Variants in MBD5 observed in about 807,000 individuals in gnomAD.
MBD5 encodes the protein methyl-CpG-binding domain protein 5.
A neutral mutation model predicts 117.3 loss-of-function variants in MBD5; 13 were observed. The ratio of observed to expected loss-of-function variants is 0.11; its 90% CI spans 0.07 to 0.18. MBD5 has a LOEUF of 0.18. Among genes scored for constraint, MBD5 ranks in the 10% least tolerant of loss-of-function variants. The pLI is 1.00. For missense variants in MBD5, 1,879 were observed against 2,093.8 expected (o/e 0.90, Z 2.00); for synonymous variants, 727 against 766.4 (o/e 0.95, Z 0.85).
At chr2:148,363,966 C>A (rs1336900640) in intron 4 of MBD5, among the ~76,000 whole-genome samples, 1 of 152,086 alleles carries the variant, frequency 6.6e-6, no homozygotes, top group Non-Finnish European at 1.5e-5. Context: ...GCAAGACGGG[C>A]CAACATTCAA....
chr2:148,252,003 T>C (rs1700476718), intron 3 of MBD5, among the ~76,000 whole-genome samples: 1 of 152,174 alleles, frequency 6.6e-6, no homozygotes, highest in African/African-American at 2.4e-5. Context: ...CGCACCTCAC[T>C]CCTGCCAGAG....
intron 1 of MBD5, among the ~76,000 whole-genome samples, chr2:148,157,401 A>G (rs1362650359): frequency 6.6e-6 from 1 of 151,624 alleles, no homozygotes; most frequent in Non-Finnish European, 1.5e-5. Flanking sequence ...TTTTAAAAGC[A>G]TGGTATTTTA....
intron 1 of MBD5, among the ~76,000 whole-genome samples, chr2:148,127,224 C>T (rs745928734): frequency 3.9e-5 from 6 of 152,110 alleles, no homozygotes; most frequent in Non-Finnish European, 8.8e-5. Context: ...ACCTCGGCCT[C>T]CCAATTTTCT....
At chr2:148,420,136 A>G (rs1305946113) in intron 4 of MBD5, among the ~76,000 whole-genome samples, 2 of 152,102 alleles carry the variant, frequency 1.3e-5, no homozygotes, top group African/African-American at 4.8e-5. Flanking sequence ...TGAGCATTTA[A>G]TGACTTTTTT....
At chr2:148,294,196 G>GTTTTTTTTTTTTTTTTTTTTTTTTTTT (rs60942822) in intron 3 of MBD5, among the ~76,000 whole-genome samples, 1 of 127,148 alleles carries the variant, frequency 7.9e-6, no homozygotes, top group African/African-American at 3.0e-5. Context: ...CCAGAATGAA[G>GTTTTTTTTTTTTTTTTTTTTTTTTTTT]TTTTTTTTTT....
chr2:148,309,452 G>C (rs1701975220), intron 3 of MBD5, among the ~76,000 whole-genome samples: 2 of 152,130 alleles, frequency 1.3e-5, no homozygotes, highest in African/African-American at 4.8e-5. Context: ...TAGGCTGTCT[G>C]TCTGTTACTG....
chr2:148,320,429 C>A (rs556100887), intron 3 of MBD5, among the ~76,000 whole-genome samples: 1 of 152,312 alleles, frequency 6.6e-6, no homozygotes, highest in East Asian at 1.9e-4. Flanking sequence ...TTATGGTTCA[C>A]TGCAGCCTCG....
chr2:148,118,437 T>A (rs1227476), intron 1 of MBD5, among the ~76,000 whole-genome samples: 30,359 of 145,992 alleles, frequency 0.21, 3,111 homozygotes, highest in East Asian at 0.28. Flanking sequence ...TAAAAAAAAA[T>A]ATATATATAT....
intron 7 of MBD5, among the ~76,000 whole-genome samples, chr2:148,467,651 G>A (rs933897074): frequency 5.3e-5 from 8 of 152,058 alleles, no homozygotes; most frequent in Non-Finnish European, 1.2e-4. Flanking sequence ...AACATGATGT[G>A]AAACTAAGCA....
At chr2:148,416,558 T>G (rs1705425149) in intron 4 of MBD5, among the ~76,000 whole-genome samples, 2 of 152,250 alleles carry the variant, frequency 1.3e-5, no homozygotes, top group South Asian at 4.1e-4. Flanking sequence ...TAAATATTTA[T>G]GTAGTCAAAT....
At chr2:148,381,798 A>G (rs973478818) in intron 4 of MBD5, among the ~76,000 whole-genome samples, 3 of 152,220 alleles carry the variant, frequency 2.0e-5, no homozygotes, top group African/African-American at 7.2e-5. Flanking sequence ...AGTGGGGGCC[A>G]ATATTCAACA....
At chr2:148,099,613 G>C (rs184456734) in intron 1 of MBD5, among the ~76,000 whole-genome samples, 14 of 152,274 alleles carry the variant, frequency 9.2e-5, no homozygotes, top group Admixed American at 9.2e-4. Flanking sequence ...GGTAAAATGA[G>C]CTGAGGGAGA....
chr2:148,066,168 T>C (rs1695186090), intron 1 of MBD5, among the ~76,000 whole-genome samples: 1 of 151,998 alleles, frequency 6.6e-6, no homozygotes, highest in Admixed American at 6.6e-5. Context: ...GAGCCGAGCA[T>C]GGTGTTGTGC....
At position 148,314,952 on chromosome 2, in the gene MBD5, A is replaced by G. The variant is rs965790316; in HGVS notation, c.-679-27262A>G. Among the ~76,000 whole-genome samples the G allele has an allele frequency of 3.9e-5, 6 of 152,258 alleles. No homozygotes were observed. In the East Asian group the frequency reaches 7.7e-4, roughly 20 times the overall value. On this transcript the variant is annotated intron_variant, in intron 3 of 13. Coordinates refer to ENST00000642680, the MANE Select transcript of MBD5 (RefSeq NM_001378120.1). ...TTCAATTCACTTGTTTGTAACAACT[A>G]TGTTTGTATTGTTCATGGATATTTC... is the stretch of plus-strand genomic sequence containing the variant.
intron 8 of MBD5, among the ~76,000 whole-genome samples, chr2:148,477,368 G>T (rs1175107514): frequency 3.3e-5 from 5 of 151,942 alleles, no homozygotes; most frequent in Admixed American, 1.3e-4. Flanking sequence ...TTGGTTTAGG[G>T]CCCCTTCCTC....
intron 1 of MBD5, among the ~76,000 whole-genome samples, chr2:148,109,476 A>G (rs1696455811): frequency 6.6e-6 from 1 of 152,196 alleles, no homozygotes; most frequent in Non-Finnish European, 1.5e-5. Context: ...ATATATAGCA[A>G]TTTTAAAAGA....
At chr2:148,325,334 A>T (rs1330641061) in intron 3 of MBD5, among the ~76,000 whole-genome samples, 1 of 152,128 alleles carries the variant, frequency 6.6e-6, no homozygotes, top group Non-Finnish European at 1.5e-5. Context: ...TGGTATCAGG[A>T]TGATGCTGGC....
chr2:148,307,432 T>G (rs1260975651), intron 3 of MBD5, among the ~76,000 whole-genome samples: 3 of 152,136 alleles, frequency 2.0e-5, no homozygotes, highest in African/African-American at 7.2e-5. Flanking sequence ...TCCATTCAGT[T>G]TTTATCATAC....
chr2:148,045,554 T>C (rs931329208), intron 1 of MBD5, among the ~76,000 whole-genome samples: 3 of 152,206 alleles, frequency 2.0e-5, no homozygotes, highest in African/African-American at 7.2e-5. Context: ...GAGGTAGGTC[T>C]TTTTATGCCT....
Sources: gnomAD v4.1 joint callset for allele counts (sites outside exome capture counted in the v4.1 genomes callset) on GRCh38, gnomAD v4.1.1 for gene constraint, MANE v1.5 for transcripts, NCBI Gene and HGNC (gene_info 2026-07-23, HGNC 2026-07-21) for gene names.